Variants in RGS6 observed in about 807,000 individuals in gnomAD.
RGS6 encodes the protein regulator of G-protein signaling 6.
RGS6 carries 30 observed loss-of-function variants against 78.5 expected under a neutral mutation model. The ratio of observed to expected loss-of-function variants is 0.38; its 90% CI spans 0.29 to 0.52. RGS6 has a LOEUF of 0.52. RGS6 is among the 20% of genes least tolerant of loss of function. The pLI, the probability that RGS6 is intolerant of heterozygous loss-of-function variation, is 0.85. For synonymous variants in RGS6, 206 were observed against 206.0 expected, an observed-to-expected ratio of 1.00 and a Z score of 0.00; for missense variants, 495 against 609.7, an observed-to-expected ratio of 0.81 and a Z score of 1.98.
chr14:72,455,307 A>C (rs899200563), intron 4 of RGS6, among the ~76,000 whole-genome samples: 1 of 152,240 alleles, frequency 6.6e-6, no homozygotes, highest in East Asian at 1.9e-4. Flanking sequence ...AAGATCCACT[A>C]ATACACTCTG....
intron 2 of RGS6, among the ~76,000 whole-genome samples, chr14:72,296,265 A>G (rs900814355): frequency 6.6e-6 from 1 of 152,136 alleles, no homozygotes; most frequent in Admixed American, 6.5e-5. Context: ...TCTCCTGTTT[A>G]TGGACACTTG....
chr14:72,498,341 C>A (rs2096672329), intron 13 of RGS6, among the ~76,000 whole-genome samples: 1 of 152,090 alleles, frequency 6.6e-6, no homozygotes, highest in South Asian at 2.1e-4. Flanking sequence ...CTCATTGTTT[C>A]ATTCATTCCT....
At chr14:72,530,444 T>C (rs528928708) in intron 15 of RGS6, among the ~76,000 whole-genome samples, 6 of 152,304 alleles carry the variant, frequency 3.9e-5, no homozygotes, top group Admixed American at 6.5e-5. Flanking sequence ...TCCCAGCACT[T>C]TGGGAGGCCG....
the RGS6 span, chr14:71,908,020 C>T: frequency 1.3e-5 from 2 of 152,302 alleles, no homozygotes; most frequent in South Asian, 2.1e-4. Context: ...AAATGAAGCA[C>T]AAGTGAAGGA....
At chr14:72,404,812 G>A (rs1250797355) in intron 3 of RGS6, among the ~76,000 whole-genome samples, 1 of 152,142 alleles carries the variant, frequency 6.6e-6, no homozygotes, top group Non-Finnish European at 1.5e-5. Flanking sequence ...CCTGCATCCC[G>A]AGATAGCGAG....
intron 12 of RGS6, among the ~76,000 whole-genome samples, chr14:72,489,744 A>ACGAGG (rs2096552728): frequency 3.5e-5 from 4 of 114,870 alleles, no homozygotes; most frequent in South Asian, 6.1e-4. Flanking sequence ...GCGAGGTGAG[A>ACGAGG]CGAGGCGAGG....
chr14:72,512,477 C>A (rs1457820846), intron 14 of RGS6, among the ~76,000 whole-genome samples: 1 of 152,202 alleles, frequency 6.6e-6, no homozygotes, highest in Admixed American at 6.5e-5. Flanking sequence ...TCTGCCAGCT[C>A]CTTTCCCCAT....
intron 2 of RGS6, among the ~76,000 whole-genome samples, chr14:72,082,047 G>A (rs910252116): frequency 6.6e-5 from 10 of 151,926 alleles, no homozygotes; most frequent in Non-Finnish European, 1.5e-5. Context: ...TTTCTTAATA[G>A]TACTTAGAGA....
intron 3 of RGS6, among the ~76,000 whole-genome samples, chr14:72,392,862 C>G (rs1399125157): frequency 6.6e-6 from 1 of 152,186 alleles, no homozygotes; most frequent in Admixed American, 6.5e-5. Flanking sequence ...CCACCCCACA[C>G]ACAAGTTGTA....
At chr14:71,990,781 C>T (rs1463250905) in intron 2 of RGS6, 1 of 455,896 alleles carries the variant, frequency 2.2e-6, no homozygotes, top group African/African-American at 2.0e-5. Context: ...TGCCTATATC[C>T]AGCTACCAAA....
chr14:72,482,782 A>G (rs1278938590), intron 12 of RGS6, among the ~76,000 whole-genome samples: 1 of 152,254 alleles, frequency 6.6e-6, no homozygotes, highest in Non-Finnish European at 1.5e-5. Flanking sequence ...CGCTTCTGTT[A>G]CCTTTTATTG....
chr14:72,058,819 A>G (rs775446796), intron 2 of RGS6, among the ~76,000 whole-genome samples: 2 of 152,194 alleles, frequency 1.3e-5, no homozygotes, highest in Non-Finnish European at 2.9e-5. Context: ...ATTATATTAG[A>G]CTACATCCAA....
At chr14:72,582,949 A>T in the RGS6 span, among the ~76,000 whole-genome samples, 2 of 151,964 alleles carry the variant, frequency 1.3e-5, no homozygotes, top group Non-Finnish European at 2.9e-5. Flanking sequence ...ACTGAGTAAA[A>T]AAAAAAAAAA....
rs113608755 is a variant in RGS6, at chr14:72,064,592, G to T, written c.84+99717G>T. ...TGTGAGAAGTGAATACTTAGTGATT[G>T]TTAGATTCCACTGAATCTCACTGCT... On this transcript the variant is annotated intron_variant, in intron 2 of 17. Transcript: ENST00000553525. Among the ~76,000 whole-genome samples the T allele has an allele frequency of 2.4e-3, 372 of 152,318 alleles. 1 individual carries two copies. The highest frequency in any genetic ancestry group is 7.4e-3 in the African/African-American group (309 of 41,570).
intron 12 of RGS6, among the ~76,000 whole-genome samples, chr14:72,493,835 A>G (rs4903027): frequency 0.53 from 80,336 of 151,940 alleles, 21,905 homozygotes; most frequent in East Asian, 0.79. Context: ...CTAGTGTTCT[A>G]TGTCTAGCAC....
intron 3 of RGS6, among the ~76,000 whole-genome samples, chr14:72,402,707 A>G (rs900026229): frequency 6.6e-6 from 1 of 152,148 alleles, no homozygotes; most frequent in Admixed American, 6.5e-5. Context: ...TCCTCCAAAA[A>G]ACTAAAATAG....
At chr14:71,944,238 A>C (rs1242082087) in intron 1 of RGS6, among the ~76,000 whole-genome samples, 1 of 152,210 alleles carries the variant, frequency 6.6e-6, no homozygotes, top group Non-Finnish European at 1.5e-5. Flanking sequence ...CTTACAAAAT[A>C]ACAATCAGCA....
the RGS6 span, among the ~76,000 whole-genome samples, chr14:71,923,808 G>C: frequency 6.6e-6 from 1 of 152,094 alleles, no homozygotes; most frequent in Non-Finnish European, 1.5e-5. Flanking sequence ...TGGATCCAAA[G>C]GGGAATGAGG....
At chr14:72,078,942 C>A (rs2094702596) in intron 2 of RGS6, among the ~76,000 whole-genome samples, 1 of 152,106 alleles carries the variant, frequency 6.6e-6, no homozygotes, top group Non-Finnish European at 1.5e-5. Flanking sequence ...TTATCAGAAT[C>A]TGTAAATCTC....
Sources: allele counts gnomAD v4.1 joint callset (sites outside exome capture counted in the v4.1 genomes callset), GRCh38; gene constraint gnomAD v4.1.1; transcripts MANE v1.5; gene names NCBI Gene and HGNC (gene_info 2026-07-23, HGNC 2026-07-21).